APBA2: variants seen among roughly 807,000 people sequenced by gnomAD.
The protein encoded by APBA2 is amyloid-beta A4 precursor protein-binding family A member 2.
A neutral mutation model predicts 75.0 loss-of-function variants in APBA2; 30 were observed. The observed-to-expected ratio is 0.40, with a 90% confidence interval of 0.30 to 0.54. The LOEUF is 0.54. Among genes scored for constraint, APBA2 ranks in the 20% least tolerant of loss-of-function variants. The pLI is 0.49. For missense variants in APBA2, 801 were observed against 1,016.1 expected (o/e 0.79, Z 2.88); for synonymous variants, 444 against 409.6 (o/e 1.08, Z -1.01).
chr15:28,964,940 C>A (rs2152743389), intron 2 of APBA2, among the ~76,000 whole-genome samples: 1 of 151,570 alleles, frequency 6.6e-6, no homozygotes, highest in African/African-American at 2.4e-5. Context: ...TTAACTTGAC[C>A]CTTGACAGAA....
intron 3 of APBA2, among the ~76,000 whole-genome samples, chr15:29,027,070 T>G (rs1170291327): frequency 6.6e-6 from 1 of 152,238 alleles, no homozygotes; most frequent in Non-Finnish European, 1.5e-5. Flanking sequence ...TTTTTGGTCA[T>G]GACGTGTTAG....
At chr15:29,111,283 T>C (rs1047633036) in intron 13 of APBA2, among the ~76,000 whole-genome samples, 2 of 152,024 alleles carry the variant, frequency 1.3e-5, no homozygotes, top group Non-Finnish European at 2.9e-5. Context: ...CCAGCCCTGC[T>C]TGTGGATGCG....
At chr15:28,947,604 T>C (rs2035617844) in intron 2 of APBA2, among the ~76,000 whole-genome samples, 1 of 152,130 alleles carries the variant, frequency 6.6e-6, no homozygotes, top group Non-Finnish European at 1.5e-5. Flanking sequence ...ATCTGTGACA[T>C]GAGAGGCCCG....
At chr15:29,114,773 A>AGG (rs1567035315) in intron 14 of APBA2, among the ~76,000 whole-genome samples, 1 of 108,574 alleles carries the variant, frequency 9.2e-6, no homozygotes, top group Non-Finnish European at 2.1e-5. Context: ...AATGTACCTG[A>AGG]GTGTGCGTGT....
intron 2 of APBA2, among the ~76,000 whole-genome samples, chr15:28,950,608 C>T (rs1247672214): frequency 1.3e-5 from 2 of 148,210 alleles, no homozygotes; most frequent in Non-Finnish European, 1.5e-5. Context: ...CCCTAGGCGA[C>T]AGAGTGAGAT....
chr15:29,033,733 G>A (rs542841252), intron 3 of APBA2, among the ~76,000 whole-genome samples: 6 of 152,276 alleles, frequency 3.9e-5, no homozygotes, highest in African/African-American at 9.6e-5. Context: ...GGCCGAGGCA[G>A]CTGGATCACG....
intron 1 of APBA2, among the ~76,000 whole-genome samples, chr15:28,913,778 A>G (rs571820810): frequency 6.6e-6 from 1 of 152,356 alleles, no homozygotes; most frequent in South Asian, 2.1e-4. Flanking sequence ...TGTAGCTTAC[A>G]GTCACCGAGT....
chr15:29,115,895 G>A (rs1280747531), intron 14 of APBA2, among the ~76,000 whole-genome samples: 3 of 152,146 alleles, frequency 2.0e-5, no homozygotes, highest in East Asian at 3.9e-4. Context: ...GCCTGAGGAG[G>A]GGCAGATGCA....
chr15:29,029,415 A>G (rs1042696293), intron 3 of APBA2, among the ~76,000 whole-genome samples: 1 of 152,006 alleles, frequency 6.6e-6, no homozygotes, highest in Non-Finnish European at 1.5e-5. Flanking sequence ...TGTGATATCT[A>G]ATTTTTTGTT....
intron 3 of APBA2, among the ~76,000 whole-genome samples, chr15:29,024,514 T>A (rs2040118997): frequency 6.6e-6 from 1 of 152,162 alleles, no homozygotes; most frequent in Non-Finnish European, 1.5e-5. Flanking sequence ...CCATTACACC[T>A]CTCTATTGCA....
At chr15:28,945,153 ACT>A (rs2035472406) in intron 2 of APBA2, among the ~76,000 whole-genome samples, 1 of 152,112 alleles carries the variant, frequency 6.6e-6, no homozygotes, top group Non-Finnish European at 1.5e-5. Flanking sequence ...CACTGTCAGG[ACT>A]CTGTGAAAAA....
chr15:28,955,488 T>G (rs11857861), intron 2 of APBA2, among the ~76,000 whole-genome samples: 22,805 of 152,186 alleles, frequency 0.15, 3,186 homozygotes, highest in African/African-American at 0.37. Context: ...ATTTTAATGA[T>G]TGTACCATTG....
chr15:28,902,736 A>C (rs1290942541), intron 1 of APBA2, among the ~76,000 whole-genome samples: 1 of 152,146 alleles, frequency 6.6e-6, no homozygotes, highest in Non-Finnish European at 1.5e-5. Flanking sequence ...CTAAAAATGA[A>C]GTCTATTAAT....
chr15:28,999,371 A>T (rs2038723019), intron 3 of APBA2, among the ~76,000 whole-genome samples: 1 of 152,184 alleles, frequency 6.6e-6, no homozygotes, highest in Admixed American at 6.5e-5. Context: ...TTGTATCAAG[A>T]ACTCTTTCAA....
At chr15:28,900,913 C>T (rs921833851) in intron 1 of APBA2, among the ~76,000 whole-genome samples, 5 of 152,216 alleles carry the variant, frequency 3.3e-5, no homozygotes, top group African/African-American at 4.8e-5. Context: ...CACATGCATG[C>T]GGCCCACTGC....
At chr15:28,941,178 G>C (rs2035200334) in intron 2 of APBA2, among the ~76,000 whole-genome samples, 1 of 152,328 alleles carries the variant, frequency 6.6e-6, no homozygotes, top group African/African-American at 2.4e-5. Context: ...TGGGTGAGCA[G>C]GTGGCAGGTT....
chr15:29,086,534 A>G (rs1368054844), intron 6 of APBA2, among the ~76,000 whole-genome samples: 2 of 152,222 alleles, frequency 1.3e-5, no homozygotes, highest in African/African-American at 4.8e-5. Context: ...CCTGTGCCCC[A>G]AATTCCTGTT....
rs573707926 is a variant in APBA2 at position 28,969,147 on chromosome 15, T to G, written c.-94-26606T>G. Among the ~76,000 whole-genome samples the G allele has an allele frequency of 1.7e-4, 13 of 76,152 alleles. No individual in the cohort carries two copies. In the African/African-American group the frequency reaches 6.2e-3, roughly 36 times the overall value. The allele number at this position is 76,152 out of a possible 152,430, so 50.0% of individuals were successfully genotyped here. A position where few individuals can be genotyped will look rare whatever the true frequency, so the allele number is the denominator to read the frequency against. On this transcript the variant is annotated intron_variant, in intron 2 of 14. Coordinates refer to ENST00000683413, the MANE Select transcript of APBA2 (RefSeq NM_001353788.2). ...ATTTCTTTTTCTTTCTTTCTTTCTT[T>G]CTTTCTTTCTTTCTTTCTTTCTTTC... is the stretch of plus-strand genomic sequence containing the variant.
intron 6 of APBA2, among the ~76,000 whole-genome samples, chr15:29,083,410 A>G (rs2043163495): frequency 6.6e-6 from 1 of 152,178 alleles, no homozygotes; most frequent in Admixed American, 6.5e-5. Flanking sequence ...TGGTAGGGCT[A>G]CTTTCAGACC....
Sources: allele counts gnomAD v4.1 joint callset (sites outside exome capture counted in the v4.1 genomes callset), GRCh38; gene constraint gnomAD v4.1.1; transcripts MANE v1.5; gene names NCBI Gene and HGNC (gene_info 2026-07-23, HGNC 2026-07-21).